INPP5A: variants seen among roughly 807,000 people sequenced by gnomAD.
The protein encoded by INPP5A is 43 kDa inositol polyphosphate 5-phophatase.
In INPP5A, 14 loss-of-function variants were observed where a neutral mutation model predicts 65.2. The ratio of observed to expected loss-of-function variants is 0.21; its 90% CI spans 0.14 to 0.34. The LOEUF (loss-of-function observed/expected upper bound fraction) is 0.34. INPP5A is among the 10% of genes least tolerant of loss of function. The pLI, the probability that INPP5A is intolerant of heterozygous loss-of-function variation, is 1.00. For missense variants in INPP5A, 431 were observed against 545.6 expected (o/e 0.79, Z 2.09); for synonymous variants, 207 against 208.3 (o/e 0.99, Z 0.05).
Position 132,616,974 on chromosome 10 carries a change from G to A in INPP5A, c.117+9018G>A, listed in dbSNP as rs1212697861. Among the ~76,000 whole-genome samples the A allele has an allele frequency of 6.6e-6, 1 of 152,112 alleles. No individual in the cohort carries two copies. The highest frequency in any genetic ancestry group is 1.5e-5 in the Non-Finnish European group (1 of 68,002). ...AGGCCGCCTGAGGTCCTTCGAAGCAGCCTGGGTCTGTCTGCTCCCTGGGGT... is the reference window on the plus strand; with the variant it reads ...AGGCCGCCTGAGGTCCTTCGAAGCAACCTGGGTCTGTCTGCTCCCTGGGGT... On this transcript the variant is annotated intron_variant, in intron 2 of 15. Transcript: ENST00000368594. The surrounding 1 kb of genome is among the most constrained non-coding windows in gnomAD (Gnocchi z 4.9).
At chr10:132,730,666 C>T (rs909584621) in intron 9 of INPP5A, among the ~76,000 whole-genome samples, 1 of 152,192 alleles carries the variant, frequency 6.6e-6, no homozygotes, top group Non-Finnish European at 1.5e-5. Context: ...TCTGCATGCC[C>T]CAAGTGGATT....
At chr10:132,686,695 A>G (rs1845135900) in intron 4 of INPP5A, among the ~76,000 whole-genome samples, 1 of 152,268 alleles carries the variant, frequency 6.6e-6, no homozygotes, top group African/African-American at 2.4e-5. Flanking sequence ...TGCAAACTTT[A>G]TAATATTCTG....
At chr10:132,605,681 C>T (rs2071840294) in intron 1 of INPP5A, among the ~76,000 whole-genome samples, 1 of 152,134 alleles carries the variant, frequency 6.6e-6, no homozygotes, top group South Asian at 2.1e-4. Flanking sequence ...GAAAGTGGCC[C>T]CTGGGCAGGG....
rs900708768 is a variant in INPP5A at position 132,753,418 on chromosome 10, C to G, written c.903+3573C>G. On this transcript the variant is annotated intron_variant, in intron 11 of 15. Transcript: ENST00000368594. The surrounding 1 kb of genome is among the most constrained non-coding windows in gnomAD (Gnocchi z 5.3). ...AACCGCCGGTCTTGTACCCGTCTGACAGAAATTTAATTCAGGCTGGCTCCT... is the reference window on the plus strand; with the variant it reads ...AACCGCCGGTCTTGTACCCGTCTGAGAGAAATTTAATTCAGGCTGGCTCCT... Among the ~76,000 whole-genome samples, 1 of 152,226 alleles carries G rather than the reference C, an allele frequency of 6.6e-6. No individual in the cohort carries two copies. Among genetic ancestry groups the G allele is most frequent in the Non-Finnish European group, 1.5e-5 (1 of 68,042 alleles).
At position 132,759,082 on chromosome 10, in the gene INPP5A, A is replaced by G. The variant is rs572116583; in HGVS notation, c.904-6691A>G. Reference sequence around the variant, plus strand: ...CCCCGAAGGCGGAGTTCTGATTTCCAGAGCACTGTGCATGGTATGCTTCTG... The same window carrying G: ...CCCCGAAGGCGGAGTTCTGATTTCCGGAGCACTGTGCATGGTATGCTTCTG... On this transcript the variant is annotated intron_variant, in intron 11 of 15. Coordinates refer to ENST00000368594, the MANE Select transcript of INPP5A (RefSeq NM_005539.5). Among the ~76,000 whole-genome samples, 14 of 152,372 alleles carry G rather than the reference A, an allele frequency of 9.2e-5. No individual in the cohort carries two copies. In the South Asian group the frequency reaches 2.7e-3, roughly 29 times the overall value.
In INPP5A at chr10:132,644,611, C is replaced by T. The variant is rs1434236018; in HGVS notation, c.118-1257C>T. 6.6e-6 allele frequency among the ~76,000 whole-genome samples: 1 copy of T among 152,246 alleles called. No individual in the cohort carries two copies. Among genetic ancestry groups the T allele is most frequent in the Non-Finnish European group, 1.5e-5 (1 of 68,034 alleles). On this transcript the variant is annotated intron_variant, in intron 2 of 15. Coordinates refer to ENST00000368594, the MANE Select transcript of INPP5A (RefSeq NM_005539.5). The surrounding 1 kb of genome is among the most constrained non-coding windows in gnomAD (Gnocchi z 6.5). ...CACCTCCAGGCTCCCAAGCCCAGCACAGACAGCACCGGCCCCTTCTCTCCC... is the reference window on the plus strand; with the variant it reads ...CACCTCCAGGCTCCCAAGCCCAGCATAGACAGCACCGGCCCCTTCTCTCCC...
chr10:132,709,182 C>T (rs1255265575), intron 7 of INPP5A, among the ~76,000 whole-genome samples: 5 of 150,232 alleles, frequency 3.3e-5, no homozygotes, highest in Non-Finnish European at 7.4e-5. Flanking sequence ...GGTTTCTGCC[C>T]CTCCCCCTCG....
intron 1 of INPP5A, among the ~76,000 whole-genome samples, chr10:132,598,239 C>G (rs992574657): frequency 6.6e-6 from 1 of 152,152 alleles, no homozygotes; most frequent in Non-Finnish European, 1.5e-5. Flanking sequence ...CTTTTTAATG[C>G]GGTAAAATGG....
chr10:132,742,615 G>A lies in INPP5A; in HGVS notation c.733-6902G>A, dbSNP rs190844238. Among the ~76,000 whole-genome samples the A allele has an allele frequency of 4.6e-5, 7 of 152,324 alleles. No individual in the cohort carries two copies. In the East Asian group the frequency reaches 1.4e-3, roughly 29 times the overall value. ...TGTTTTAGTCATTGCTGTTCTTCAG[G>A]GAAGTCTTGGAGACGGGCACAGCTT... On this transcript the variant is annotated intron_variant, in intron 9 of 15. Transcript: ENST00000368594.
rs375629139 is a variant in INPP5A at position 132,764,118 on chromosome 10, G to A, written c.904-1655G>A. Among the ~76,000 whole-genome samples the A allele has an allele frequency of 3.3e-4, 50 of 152,398 alleles. No individual in the cohort carries two copies. The East Asian group carries it at 7.5e-3, about 23-fold the overall frequency. On this transcript the variant is annotated intron_variant, in intron 11 of 15. Transcript: ENST00000368594. ...GGCAGGAGGCAGTGGGGCTGTGAAC[G>A]CCTGTGCTCCAGGCAGGAGGCCTGG... is the stretch of plus-strand genomic sequence containing the variant.
intron 12 of INPP5A, among the ~76,000 whole-genome samples, chr10:132,766,314 T>C (rs545139236): frequency 6.6e-6 from 1 of 152,238 alleles, no homozygotes; most frequent in Non-Finnish European, 1.5e-5. Context: ...CCAAAAAAGG[T>C]TTTTTCCAAT....
chr10:132,639,870 C>T (rs979651167), intron 2 of INPP5A, among the ~76,000 whole-genome samples: 1 of 152,174 alleles, frequency 6.6e-6, no homozygotes, highest in African/African-American at 2.4e-5. Flanking sequence ...TTCTTCTGGT[C>T]ATTTATTTTA....
chr10:132,628,463 C>CGGGGGG (rs55668291), intron 2 of INPP5A, among the ~76,000 whole-genome samples: 2 of 23,310 alleles, frequency 8.6e-5, no homozygotes, highest in Admixed American at 4.2e-4. Flanking sequence ...GCTCTGGTGG[C>CGGGGGG]GGGGGGGGGG....
chr10:132,635,827 G>T (rs1395531706), intron 2 of INPP5A, among the ~76,000 whole-genome samples: 1 of 151,654 alleles, frequency 6.6e-6, no homozygotes, highest in African/African-American at 2.4e-5. Context: ...AAAAAAATTA[G>T]CTGGGTTTGG....
intron 2 of INPP5A, among the ~76,000 whole-genome samples, chr10:132,624,761 C>T (rs1249670967): frequency 2.0e-5 from 3 of 152,292 alleles, no homozygotes; most frequent in African/African-American, 7.2e-5. Flanking sequence ...GCCCTGTGGC[C>T]TGCCGGACTT....
At chr10:132,607,272 C>A (rs1471373516) in intron 1 of INPP5A, among the ~76,000 whole-genome samples, 2 of 152,212 alleles carry the variant, frequency 1.3e-5, no homozygotes, top group Admixed American at 1.3e-4. Flanking sequence ...CTTCCTGGGG[C>A]CTGGGTCTCT....
At chr10:132,778,150 A>G (rs1847096155) in intron 13 of INPP5A, among the ~76,000 whole-genome samples, 1 of 152,206 alleles carries the variant, frequency 6.6e-6, no homozygotes, top group Non-Finnish European at 1.5e-5. Flanking sequence ...CGTGAAGCGC[A>G]GTAGAAATGT....
rs1393412762 is a variant in INPP5A at position 132,741,230 on chromosome 10, TG to T, written c.733-8286del. Reference sequence around the variant, plus strand: ...CATCCTGGCCAACAGAGGAGGACCCTGTCTCAAAAACCTAAAAATAGAGATA... The same window carrying T: ...CATCCTGGCCAACAGAGGAGGACCCTTCTCAAAAACCTAAAAATAGAGATA... On this transcript the variant is annotated intron_variant, in intron 9 of 15. Coordinates refer to ENST00000368594, the MANE Select transcript of INPP5A (RefSeq NM_005539.5). The surrounding 1 kb of genome is among the most constrained non-coding windows in gnomAD (Gnocchi z 4.4). Among the ~76,000 whole-genome samples the T allele has an allele frequency of 2.0e-5, 3 of 152,164 alleles. No homozygotes were observed. The highest frequency in any genetic ancestry group is 4.8e-5 in the African/African-American group (2 of 41,428).
At chr10:132,647,251 G>C (rs768710241) in intron 3 of INPP5A, among the ~76,000 whole-genome samples, 36 of 152,074 alleles carry the variant, frequency 2.4e-4, no homozygotes, top group Non-Finnish European at 5.0e-4. Context: ...GAGTAGCTGG[G>C]ACTACAGGTG....
Sources: gnomAD v4.1 joint callset for allele counts (sites outside exome capture counted in the v4.1 genomes callset) on GRCh38, gnomAD v4.1.1 for gene constraint, Gnocchi (gnomAD v3.1) non-coding constraint, MANE v1.5 for transcripts, NCBI Gene and HGNC (gene_info 2026-07-23, HGNC 2026-07-21) for gene names.